Variants in FAM117B observed in about 807,000 individuals in gnomAD.
The protein encoded by FAM117B is family with sequence similarity 117 member B, also known as protein FAM117B.
Under a neutral mutation model 52.8 loss-of-function variants are expected in FAM117B, and 22 were observed. The observed-to-expected ratio is 0.42, with a 90% CI of 0.30 to 0.59. The LOEUF is 0.59. Ranked by LOEUF, FAM117B falls within the 20% of genes least tolerant of loss-of-function variation. FAM117B has a pLI of 0.22. For missense variants in FAM117B, 678 were observed against 802.6 expected (o/e 0.84, Z 1.88); for synonymous variants, 309 against 324.1 (o/e 0.95, Z 0.50).
intron 4 of FAM117B, among the ~76,000 whole-genome samples, chr2:202,748,729 T>G (rs1203155061): frequency 6.6e-6 from 1 of 152,142 alleles, no homozygotes; most frequent in Non-Finnish European, 1.5e-5. Context: ...TCTTTACTAG[T>G]CATCAGGGAA....
intron 2 of FAM117B, among the ~76,000 whole-genome samples, chr2:202,702,326 G>A (rs1690806368): frequency 6.6e-6 from 1 of 152,072 alleles, no homozygotes; most frequent in Admixed American, 6.5e-5. Flanking sequence ...GGGAGGCAGA[G>A]GTTGCTGTGA....
intron 2 of FAM117B, among the ~76,000 whole-genome samples, chr2:202,713,044 G>A (rs1197346618): frequency 3.9e-5 from 6 of 152,106 alleles, no homozygotes; most frequent in African/African-American, 9.7e-5. Context: ...TACTGGCCTC[G>A]TAGAATGAGT....
chr2:202,683,328 C>CAA (rs907764684), intron 1 of FAM117B, among the ~76,000 whole-genome samples: 1 of 150,466 alleles, frequency 6.6e-6, no homozygotes, highest in African/African-American at 2.4e-5. Context: ...GACTCTGTCT[C>CAA]AAAAAAACAA....
chr2:202,703,108 A>G (rs1234254689), intron 2 of FAM117B, among the ~76,000 whole-genome samples: 1 of 152,174 alleles, frequency 6.6e-6, no homozygotes, highest in African/African-American at 2.4e-5. Context: ...TTGTGCAACC[A>G]TTGCTAACTA....
chr2:202,673,027 G>A (rs1026937326), intron 1 of FAM117B, among the ~76,000 whole-genome samples: 5 of 152,148 alleles, frequency 3.3e-5, no homozygotes, highest in South Asian at 2.1e-4. Context: ...CAGACTGGGC[G>A]ACAGAGTGAG....
chr2:202,644,907 T>G (rs1012897375), intron 1 of FAM117B, among the ~76,000 whole-genome samples: 1 of 152,164 alleles, frequency 6.6e-6, no homozygotes, highest in African/African-American at 2.4e-5. Flanking sequence ...CATTGTTTGT[T>G]TTCTGTTCAC....
chr2:202,638,745 A>G (rs1689722609), intron 1 of FAM117B, among the ~76,000 whole-genome samples: 1 of 152,174 alleles, frequency 6.6e-6, no homozygotes, highest in African/African-American at 2.4e-5. Context: ...GAGGCGGTGG[A>G]TCACCTGAGG....
chr2:202,766,102 A>ACACACACACCCC lies in FAM117B; in HGVS notation c.*343_*344insACACCCCCACAC, dbSNP rs1553526375. Reference sequence around the variant, plus strand: ...CACACACACACACACACACACACACACACACCCCTGATCCTTGCCAACATG... The same window carrying ACACACACACCCC: ...CACACACACACACACACACACACACACACACACACCCCCACACCCCTGATCCTTGCCAACATG... On this transcript the variant is annotated 3_prime_UTR_variant, in exon 8 of 8. Coordinates refer to ENST00000392238, the MANE Select transcript of FAM117B (RefSeq NM_173511.4). The ACACACACACCCC allele has an allele frequency of 4.2e-5, 8 of 191,876 alleles. No individual in the cohort carries two copies. The highest frequency in any genetic ancestry group is 8.5e-5 in the Non-Finnish European group (8 of 94,034). 11.9% of individuals were successfully genotyped at this position (191,876 alleles called of 1,614,324 possible). A position where few individuals can be genotyped will look rare whatever the true frequency, so the allele number is the denominator to read the frequency against.
chr2:202,675,878 G>A (rs1380469849), intron 1 of FAM117B, among the ~76,000 whole-genome samples: 7 of 151,850 alleles, frequency 4.6e-5, no homozygotes, highest in South Asian at 2.1e-4. Context: ...CCAGCTACTC[G>A]GGAGGCGGAG....
intron 4 of FAM117B, among the ~76,000 whole-genome samples, chr2:202,739,044 C>G (rs1285318455): frequency 2.0e-5 from 3 of 152,078 alleles, no homozygotes; most frequent in Middle Eastern, 3.2e-3. Flanking sequence ...CAAAAATTAG[C>G]CAGGCATGTT....
rs76813519 is a variant in FAM117B, at chr2:202,757,305, G to A, written c.1197G>A (p.Gly399=). ...GCATTGACACACAGACGCCTGGTGGGGCAGACAGGGGAAGCAACAACAGCA... is the reference window on the plus strand; with the variant it reads ...GCATTGACACACAGACGCCTGGTGGAGCAGACAGGGGAAGCAACAACAGCA... The part of the protein sequence containing the change: ...TRSIDTQTPG[G]ADRGSNNSSR... The change falls in exon 6 of 8, where the codon GGG becomes GGA. Residue 399 remains glycine, a synonymous_variant. Coordinates refer to ENST00000392238, the MANE Select transcript of FAM117B (RefSeq NM_173511.4). 1,218 of 1,614,094 alleles carry A rather than the reference G, an allele frequency of 7.5e-4. 13 individuals are homozygous for A. The African/African-American group carries it at 0.014, about 19-fold the overall frequency.
At chr2:202,733,965 T>G (rs1559112190) in intron 4 of FAM117B, among the ~76,000 whole-genome samples, 1 of 152,210 alleles carries the variant, frequency 6.6e-6, no homozygotes, top group Non-Finnish European at 1.5e-5. Flanking sequence ...GGGATTGCAG[T>G]AAAGACAGGC....
chr2:202,761,812 C>A (rs764790695), intron 7 of FAM117B, among the ~76,000 whole-genome samples: 2 of 152,128 alleles, frequency 1.3e-5, no homozygotes, highest in Non-Finnish European at 2.9e-5. Context: ...CAGGCATGAG[C>A]CACCGTGCCT....
intron 2 of FAM117B, among the ~76,000 whole-genome samples, chr2:202,699,514 C>T (rs1371156609): frequency 6.9e-6 from 1 of 144,416 alleles, no homozygotes; most frequent in African/African-American, 2.6e-5. Flanking sequence ...ATTTGTAAAG[C>T]TCGTGTAGAA....
At chr2:202,691,649 TTGTGTGTGTGTGTGTGTGTG>T (rs199855927) in intron 1 of FAM117B, among the ~76,000 whole-genome samples, 11 of 126,882 alleles carry the variant, frequency 8.7e-5, no homozygotes, top group Admixed American at 1.6e-4. Context: ...CCAGTTTACA[TTGTGTGTGTGTGTGTGTGTG>T]TGTGTGTGTG....
intron 2 of FAM117B, among the ~76,000 whole-genome samples, chr2:202,701,605 G>C (rs1301247111): frequency 6.6e-6 from 1 of 152,212 alleles, no homozygotes; most frequent in South Asian, 2.1e-4. Context: ...AAGAACATTT[G>C]TGATTTGTAG....
intron 1 of FAM117B, among the ~76,000 whole-genome samples, chr2:202,694,143 A>G (rs907250748): frequency 2.0e-5 from 3 of 151,296 alleles, no homozygotes; most frequent in African/African-American, 7.4e-5. Flanking sequence ...TTGATGTATC[A>G]AAGCTTGGCC....
chr2:202,749,167 C>T (rs1303964946), intron 4 of FAM117B, among the ~76,000 whole-genome samples: 1 of 151,930 alleles, frequency 6.6e-6, no homozygotes, highest in Non-Finnish European at 1.5e-5. Flanking sequence ...AATCAAAGTC[C>T]TGAAAAATCT....
At chr2:202,659,194 C>CG (rs1317624597) in intron 1 of FAM117B, among the ~76,000 whole-genome samples, 2 of 151,818 alleles carry the variant, frequency 1.3e-5, no homozygotes, top group African/African-American at 4.8e-5. Context: ...TAAGTAGAGA[C>CG]GGGGTTTCAC....
Sources: allele counts gnomAD v4.1 joint callset (sites outside exome capture counted in the v4.1 genomes callset), GRCh38; gene constraint gnomAD v4.1.1; transcripts MANE v1.5; gene names NCBI Gene and HGNC (gene_info 2026-07-23, HGNC 2026-07-21).